CYTIP: variants seen among roughly 807,000 people sequenced by gnomAD.
The protein encoded by CYTIP is cytohesin 1 interacting protein.
Under a neutral mutation model 43.8 loss-of-function variants are expected in CYTIP, and 26 were observed. The ratio of observed to expected loss-of-function variants is 0.59; its 90% CI spans 0.44 to 0.82. The LOEUF is 0.82. Ranked by LOEUF, CYTIP falls within the 40% of genes least tolerant of loss-of-function variation. CYTIP has a pLI of 0.00. For missense variants in CYTIP, 426 were observed against 443.1 expected, an observed-to-expected ratio of 0.96 and a Z score of 0.35; for synonymous variants, 162 against 162.9, an observed-to-expected ratio of 0.99 and a Z score of 0.04.
intron 6 of CYTIP, among the ~76,000 whole-genome samples, chr2:157,421,770 G>A (rs1373717962): frequency 6.6e-6 from 1 of 152,170 alleles, no homozygotes; most frequent in Non-Finnish European, 1.5e-5. Flanking sequence ...GTCACTGTGT[G>A]GAGGGGAAAC....
chr2:157,432,511 T>A (rs1685728226), intron 3 of CYTIP, among the ~76,000 whole-genome samples: 1 of 152,154 alleles, frequency 6.6e-6, no homozygotes, highest in Non-Finnish European at 1.5e-5. Flanking sequence ...GTAAGGCACA[T>A]CACTAGGTAC....
intron 6 of CYTIP, among the ~76,000 whole-genome samples, chr2:157,422,128 T>C (rs144595598): frequency 6.6e-6 from 1 of 152,286 alleles, no homozygotes; most frequent in East Asian, 1.9e-4. Context: ...CCTCGTGACC[T>C]GAGCCAAACA....
chr2:157,434,172 T>G, intron 3 of CYTIP, 198 bp downstream of exon 3: 1 of 620,364 alleles, frequency 1.6e-6, no homozygotes, highest in South Asian at 1.8e-5. Context: ...CGCAGAGGTT[T>G]TGTTATCATC....
At chr2:157,432,250 T>C (rs1366039490) in intron 3 of CYTIP, among the ~76,000 whole-genome samples, 19 of 152,210 alleles carry the variant, frequency 1.2e-4, no homozygotes, top group Admixed American at 1.2e-3. Flanking sequence ...TTGATTTATG[T>C]AGCTGGCACC....
In CYTIP at chr2:157,415,376, T is replaced by C. The variant is rs1469812423; in HGVS notation, c.*301A>G. On this transcript the variant is annotated 3_prime_UTR_variant, in exon 8 of 8. Transcript: ENST00000264192. ...AGTTCTCAATTATTCACAGGGATAA[T>C]CTAGAAAATAAATATTAGTTTTGCT... 2 of 248,380 alleles carry C rather than the reference T, an allele frequency of 8.1e-6. No homozygotes were observed. Among genetic ancestry groups the C allele is most frequent in the Non-Finnish European group, 1.6e-5 (2 of 126,542 alleles). The allele number at this position is 248,380 out of a possible 1,614,324, so 15.4% of individuals were successfully genotyped here.
chr2:157,424,869 G>C lies in CYTIP; in HGVS notation c.546+2482C>G, dbSNP rs896523849. On this transcript the variant is annotated intron_variant, in intron 6 of 7. Coordinates refer to ENST00000264192, the MANE Select transcript of CYTIP (RefSeq NM_004288.5). ...ATTGACCCACGGATCATATTAGAAA[G>C]CCTATAAGCAAATCCATGCATATGT... is the stretch of plus-strand genomic sequence containing the variant. Among the ~76,000 whole-genome samples, 3 of 152,064 alleles carry C rather than the reference G, an allele frequency of 2.0e-5. No homozygotes were observed. The East Asian group carries it at 5.8e-4, about 29-fold the overall frequency.
intron 1 of CYTIP, among the ~76,000 whole-genome samples, chr2:157,440,302 T>C (rs1685885505): frequency 6.6e-6 from 1 of 152,200 alleles, no homozygotes; most frequent in African/African-American, 2.4e-5. Context: ...GAGCTGAACT[T>C]AATTTCCTGA....
At chr2:157,433,585 A>G (rs1368666708) in intron 3 of CYTIP, among the ~76,000 whole-genome samples, 1 of 152,094 alleles carries the variant, frequency 6.6e-6, no homozygotes, top group South Asian at 2.1e-4. Context: ...AGACATGCAA[A>G]CGTACTATGG....
chr2:157,416,854 T>C (rs146494840), intron 7 of CYTIP, among the ~76,000 whole-genome samples: 13 of 152,102 alleles, frequency 8.5e-5, no homozygotes, highest in African/African-American at 3.1e-4. Flanking sequence ...CTTGGCTAAA[T>C]TTTTTTCATT....
Position 157,415,999 on chromosome 2 carries a change from A to C in CYTIP, c.758T>G (p.Met253Arg). ...GTAGCCATCTTCACTGTCCATCGTC[A>C]TGGAGCTCAGCCAGCTCTTACAGCT... is the stretch of plus-strand genomic sequence containing the variant. ...ESSCKSWLSSMTMDSEDGYQT... is the reference protein window; with the variant it reads ...ESSCKSWLSSRTMDSEDGYQT... Residue 253 changes from methionine to arginine, a missense_variant, in exon 8 of 8, where the codon ATG (methionine) becomes AGG (arginine). Transcript: ENST00000264192. 1 of 1,614,186 alleles carries C rather than the reference A, an allele frequency of 6.2e-7. No individual in the cohort carries two copies. Among genetic ancestry groups the C allele is most frequent in the Non-Finnish European group, 8.5e-7 (1 of 1,180,034 alleles).
At chr2:157,423,922 A>T (rs1685562100) in intron 6 of CYTIP, among the ~76,000 whole-genome samples, 1 of 152,192 alleles carries the variant, frequency 6.6e-6, no homozygotes, top group Admixed American at 6.5e-5. Flanking sequence ...TGCATAAAAA[A>T]AGTATTTGAT....
intron 6 of CYTIP, among the ~76,000 whole-genome samples, chr2:157,423,196 C>T (rs1297112106): frequency 6.6e-6 from 1 of 151,206 alleles, no homozygotes; most frequent in Non-Finnish European, 1.5e-5. Context: ...TCAATAAGGA[C>T]AAAAGAATAT....
At chr2:157,436,552 T>C (rs1333757261) in intron 1 of CYTIP, among the ~76,000 whole-genome samples, 1 of 152,016 alleles carries the variant, frequency 6.6e-6, no homozygotes, top group Non-Finnish European at 1.5e-5. Context: ...TCAGTATTCA[T>C]CATATTATTC....
At chr2:157,424,334 A>C (rs1315468643) in intron 6 of CYTIP, among the ~76,000 whole-genome samples, 1 of 152,182 alleles carries the variant, frequency 6.6e-6, no homozygotes, top group East Asian at 1.9e-4. Flanking sequence ...GTTTTTGTAA[A>C]GAAACGATAA....
intron 1 of CYTIP, 86 bp from the exon 2 acceptor site, chr2:157,434,833 T>TCTCC (rs1375103523): frequency 3.2e-5 from 15 of 467,934 alleles, no homozygotes; most frequent in African/African-American, 2.8e-4. Flanking sequence ...TCTCTCTCTC[T>TCTCC]CTCTCTCTCT....
intron 1 of CYTIP, among the ~76,000 whole-genome samples, chr2:157,442,617 A>G (rs1328476175): frequency 6.6e-6 from 1 of 152,206 alleles, no homozygotes; most frequent in Non-Finnish European, 1.5e-5. Context: ...TTATCTTCAG[A>G]CAGGTTGTAG....
At chr2:157,431,525 C>G (rs180840879) in intron 3 of CYTIP, among the ~76,000 whole-genome samples, 1 of 152,120 alleles carries the variant, frequency 6.6e-6, no homozygotes, top group Non-Finnish European at 1.5e-5. Flanking sequence ...GAATCCTCAC[C>G]GGTTCATTAG....
intron 3 of CYTIP, 99 bp from the exon 4 acceptor site, chr2:157,431,061 G>A: frequency 1.0e-6 from 1 of 960,558 alleles, no homozygotes. Context: ...CAGTATAATA[G>A]GTAAGTTCAA....
In CYTIP at chr2:157,443,864, G is replaced by A. The variant is rs1685954329; in HGVS notation, c.157C>T (p.Pro53Ser). 5.6e-6 allele frequency: 9 copies of A among 1,614,050 alleles called. No homozygotes were observed. Among genetic ancestry groups the A allele is most frequent in the Non-Finnish European group, 5.9e-6 (7 of 1,179,948 alleles). ...AATCATACCTGCTTTCGTCCCCGAG[G>A]CAGAGTAGCCACCGTGTCTGCTAGC... ...QMLADTVATL[P>S]RGRKQLALTR... Residue 53 changes from proline (P) to serine (S), a missense_variant, in exon 1 of 8, where the codon CCT (proline) becomes TCT (serine). By Grantham distance (74) the Pro-to-Ser change is moderately conservative. Coordinates refer to ENST00000264192, the MANE Select transcript of CYTIP (RefSeq NM_004288.5).
Sources: gnomAD v4.1 joint callset for allele counts (sites outside exome capture counted in the v4.1 genomes callset) on GRCh38, gnomAD v4.1.1 for gene constraint, MANE v1.5 for transcripts, NCBI Gene and HGNC (gene_info 2026-07-23, HGNC 2026-07-21) for gene names.